Variants in TSPAN19 observed in about 807,000 individuals in gnomAD.
TSPAN19 encodes the protein tetraspanin 19.
In TSPAN19, 44 loss-of-function variants were observed where a neutral mutation model predicts 35.1. That is an observed-to-expected ratio of 1.25 (90% confidence interval 0.98 to 1.61). The LOEUF (loss-of-function observed/expected upper bound fraction) is 1.61, where lower values mean the gene tolerates loss of function less well. Among genes scored for constraint, TSPAN19 ranks in the 40% most tolerant of loss-of-function variants. The pLI is 0.00. For synonymous variants in TSPAN19, 79 were observed against 92.0 expected, an observed-to-expected ratio of 0.86 and a Z score of 0.81; for missense variants, 290 against 280.0, an observed-to-expected ratio of 1.04 and a Z score of -0.26.
chr12:85,018,387 A>C (rs1876932291), intron 6 of TSPAN19, among the ~76,000 whole-genome samples: 1 of 151,928 alleles, frequency 6.6e-6, no homozygotes, highest in Non-Finnish European at 1.5e-5. Flanking sequence ...GGTTACTGAA[A>C]GTTAGTTTAA....
intron 5 of TSPAN19, among the ~76,000 whole-genome samples, chr12:85,021,893 C>T (rs951307398): frequency 2.0e-5 from 3 of 152,050 alleles, no homozygotes; most frequent in African/African-American, 7.2e-5. Flanking sequence ...GTAGGACTTA[C>T]AGTGCTTCTT....
intron 4 of TSPAN19, among the ~76,000 whole-genome samples, chr12:85,026,009 T>C (rs1877392583): frequency 6.6e-6 from 1 of 152,210 alleles, no homozygotes. Flanking sequence ...AATGGTAGTA[T>C]CTTGGTTCCA....
At chr12:85,015,280 C>CA in intron 8 of TSPAN19, 1 of 151,864 alleles carries the variant, frequency 6.6e-6, no homozygotes, top group African/African-American at 2.4e-5. Context: ...TGAAGAATAG[C>CA]GTCTTGCTTC....
At chr12:85,020,598 T>A (rs546016875) in intron 5 of TSPAN19, among the ~76,000 whole-genome samples, 1 of 152,098 alleles carries the variant, frequency 6.6e-6, no homozygotes, top group African/African-American at 2.4e-5. Context: ...CCTGCCTTTC[T>A]CCCATGAGGC....
At position 85,028,004 on chromosome 12, in the gene TSPAN19, T is replaced by C. The variant is rs778929438; in HGVS notation, c.159A>G (p.Ile53Met). The change falls in exon 4 of 9, where the codon ATA (isoleucine) becomes ATG (methionine). Residue 53 changes from isoleucine to methionine, a missense_variant. Transcript: ENST00000532498. ...CAATCAAAATTTGAGAAATAGGTAC[T>C]ATGAAGTGATTATTTTCATCTGTGA... ...LTAFDENNHF[I>M]VPISQILIGM... is the part of the protein sequence containing the mutation. 1.9e-6 allele frequency: 3 copies of C among 1,574,180 alleles called. No homozygotes were observed. In the East Asian group the frequency reaches 6.8e-5, roughly 36 times the overall value.
chr12:85,025,051 T>C (rs1877329193), intron 4 of TSPAN19, among the ~76,000 whole-genome samples: 1 of 152,112 alleles, frequency 6.6e-6, no homozygotes, highest in Non-Finnish European at 1.5e-5. Flanking sequence ...TCTATTTAGA[T>C]GTTTAGATTT....
chr12:85,032,734 T>A lies in TSPAN19; in HGVS notation c.-27-2761A>T, dbSNP rs556148712. Among the ~76,000 whole-genome samples the A allele has an allele frequency of 6.8e-4, 103 of 151,934 alleles. 2 individuals are homozygous for A. The South Asian group carries it at 9.3e-3, about 14-fold the overall frequency. On this transcript the variant is annotated intron_variant, in intron 1 of 8. Transcript: ENST00000532498. ...GACGTGCCAACACAAAGATACACAG[T>A]AAGTTAAGTGTAGTTCTTATTTAAA...
At chr12:85,024,157 T>C (rs1051522658) in intron 4 of TSPAN19, among the ~76,000 whole-genome samples, 1 of 152,156 alleles carries the variant, frequency 6.6e-6, no homozygotes, top group Non-Finnish European at 1.5e-5. Flanking sequence ...ACAGAGTTTA[T>C]TGGTTCTAAA....
rs1294827168 is a variant in TSPAN19, at chr12:85,015,936, A to G, written c.630T>C (p.Val210=). Residue 210 remains valine, a synonymous_variant, in exon 8 of 9, where the codon GTT becomes GTC. Transcript: ENST00000532498. ...CENKISAWYN[V]NVLTLIGINF... ...TAATTCCGATTAAGGTTAACACATTAACATTATACCATGCACTGATTTTAT... is the reference window on the plus strand; with the variant it reads ...TAATTCCGATTAAGGTTAACACATTGACATTATACCATGCACTGATTTTAT... 7.1e-6 allele frequency: 11 copies of G among 1,550,570 alleles called. No homozygotes were observed. Among genetic ancestry groups the G allele is most frequent in the South Asian group, 1.2e-5 (1 of 83,294 alleles).
intron 4 of TSPAN19, among the ~76,000 whole-genome samples, chr12:85,023,900 C>T (rs928475674): frequency 6.6e-6 from 1 of 151,960 alleles, no homozygotes; most frequent in Admixed American, 6.6e-5. Flanking sequence ...ATAATTTTTA[C>T]ATTTATTAGA....
chr12:85,020,473 C>T (rs184147874), intron 5 of TSPAN19, among the ~76,000 whole-genome samples: 11 of 151,958 alleles, frequency 7.2e-5, no homozygotes, highest in African/African-American at 2.7e-4. Context: ...TTTCATAGTA[C>T]TATCAGGGCT....
chr12:85,029,653 T>G, intron 3 of TSPAN19, 66 bp downstream of exon 3: 2 of 1,199,344 alleles, frequency 1.7e-6, no homozygotes, highest in South Asian at 1.5e-5. Flanking sequence ...CTGAATAAAT[T>G]GTGTATACAA....
At chr12:85,026,495 C>G (rs1877419591) in intron 4 of TSPAN19, among the ~76,000 whole-genome samples, 1 of 152,080 alleles carries the variant, frequency 6.6e-6, no homozygotes, top group African/African-American at 2.4e-5. Flanking sequence ...GGAATCCTGG[C>G]ACTGCCCTGG....
intron 3 of TSPAN19, among the ~76,000 whole-genome samples, chr12:85,028,324 C>G (rs1464831275): frequency 6.6e-6 from 1 of 152,136 alleles, no homozygotes; most frequent in Admixed American, 6.6e-5. Context: ...TCTAAGATTT[C>G]ATCTATGTCC....
At chr12:85,023,267 T>C in intron 5 of TSPAN19, 59 bp downstream of exon 5, 1 of 1,389,348 alleles carries the variant, frequency 7.2e-7, no homozygotes, top group East Asian at 2.5e-5. Context: ...CTCTAAGGTA[T>C]CCAATTTCCT....
intron 1 of TSPAN19, 63 bp from the exon 2 acceptor site, chr12:85,030,036 T>A: frequency 8.3e-7 from 1 of 1,204,312 alleles, no homozygotes; most frequent in South Asian, 1.8e-5. Flanking sequence ...TTCTCCCTAC[T>A]TATGTTCTTT....
At chr12:85,029,050 G>A (rs1342059730) in intron 3 of TSPAN19, among the ~76,000 whole-genome samples, 3 of 152,174 alleles carry the variant, frequency 2.0e-5, no homozygotes, top group South Asian at 4.1e-4. Context: ...TACAGTTTGA[G>A]TCAGATGAGA....
At chr12:85,019,554 C>T (rs747330940) in intron 6 of TSPAN19, 72 bp downstream of exon 6, 20 of 955,118 alleles carry the variant, frequency 2.1e-5, no homozygotes, top group Non-Finnish European at 3.2e-5. Context: ...CATCCCCTGC[C>T]CTGACCTATT....
intron 1 of TSPAN19, among the ~76,000 whole-genome samples, chr12:85,030,932 A>G (rs1442953827): frequency 6.6e-6 from 1 of 152,152 alleles, no homozygotes; most frequent in Non-Finnish European, 1.5e-5. Flanking sequence ...ATGTTTTAAT[A>G]TATGTAGCGC....
Sources: allele counts gnomAD v4.1 joint callset (sites outside exome capture counted in the v4.1 genomes callset), GRCh38; gene constraint gnomAD v4.1.1; transcripts MANE v1.5; gene names NCBI Gene and HGNC (gene_info 2026-07-23, HGNC 2026-07-21).